CCDC171: variants seen among roughly 807,000 people sequenced by gnomAD.
CCDC171 encodes coiled-coil domain-containing protein 171.
In CCDC171, 177 loss-of-function variants were observed where a neutral mutation model predicts 168.2. The ratio of observed to expected loss-of-function variants is 1.05; its 90% CI spans 0.93 to 1.19. The LOEUF is 1.19. Ranked by LOEUF, CCDC171 falls within the 50% of genes most tolerant of loss-of-function variation. CCDC171 has a pLI of 0.00. For synonymous variants in CCDC171, 687 were observed against 540.8 expected, an observed-to-expected ratio of 1.27 and a Z score of -3.75; for missense variants, 1,991 against 1,539.0, an observed-to-expected ratio of 1.29 and a Z score of -4.91.
chr9:15,885,451 A>C (rs548546865), intron 24 of CCDC171: 10 of 152,210 alleles, frequency 6.6e-5, no homozygotes, highest in Non-Finnish European at 1.5e-4. Context: ...TATTATTGAG[A>C]GAACGAAGCC....
intron 24 of CCDC171, among the ~76,000 whole-genome samples, chr9:15,913,631 A>C (rs1034607357): frequency 6.6e-6 from 1 of 152,046 alleles, no homozygotes; most frequent in African/African-American, 2.4e-5. Flanking sequence ...CTACCTTCTG[A>C]AGCCCAATTC....
chr9:15,811,143 C>T (rs1032937271), intron 21 of CCDC171, among the ~76,000 whole-genome samples: 2 of 152,212 alleles, frequency 1.3e-5, no homozygotes, highest in Non-Finnish European at 2.9e-5. Flanking sequence ...GAGAAACTTA[C>T]CTGCAATATT....
chr9:15,587,491 C>G (rs962143590), intron 4 of CCDC171: 3 of 369,810 alleles, frequency 8.1e-6, no homozygotes, highest in African/African-American at 2.1e-5. Flanking sequence ...CCATGTGAAA[C>G]TGTAAGTCCA....
At chr9:16,091,572 C>T in the CCDC171 span, among the ~76,000 whole-genome samples, 4 of 152,260 alleles carry the variant, frequency 2.6e-5, no homozygotes, top group East Asian at 1.9e-4. Flanking sequence ...GCTCTCAGGT[C>T]GTGATCAGTC....
At chr9:16,017,679 C>T in intron 3 of CCDC171, among the ~76,000 whole-genome samples, 1 of 152,246 alleles carries the variant, frequency 6.6e-6, no homozygotes, top group South Asian at 2.1e-4. Context: ...ATCATTAAAG[C>T]ATTTTGTTAG....
At chr9:15,785,674 A>T (rs2057911468) in intron 21 of CCDC171, among the ~76,000 whole-genome samples, 1 of 152,036 alleles carries the variant, frequency 6.6e-6, no homozygotes. Context: ...CTGTTTTATA[A>T]ATGAGAAAAC....
Position 15,567,699 on chromosome 9 carries a change from G to A in CCDC171, c.41+3570G>A, listed in dbSNP as rs548204777. ...AGACAAGGTCTTGCTCTGTTGCCCA[G>A]GCTAGAGTACAGTGGCATGATCTTA... is the stretch of plus-strand genomic sequence containing the variant. On this transcript the variant is annotated intron_variant, in intron 2 of 25. Transcript: ENST00000380701. Among the ~76,000 whole-genome samples the A allele has an allele frequency of 4.6e-5, 7 of 151,820 alleles. No homozygotes were observed. The East Asian group carries it at 5.8e-4, about 13-fold the overall frequency.
At chr9:15,878,276 C>G (rs574236974) in intron 24 of CCDC171, among the ~76,000 whole-genome samples, 2 of 151,432 alleles carry the variant, frequency 1.3e-5, no homozygotes, top group Non-Finnish European at 3.0e-5. Context: ...CTTAAATTTA[C>G]GAGAAAAAAC....
intron 24 of CCDC171, among the ~76,000 whole-genome samples, chr9:15,899,254 G>A (rs1821319805): frequency 6.6e-6 from 1 of 152,114 alleles, no homozygotes; most frequent in Non-Finnish European, 1.5e-5. Context: ...AGGATATTTT[G>A]TTGTTTCTGG....
chr9:15,918,143 C>T (rs1563999070), intron 24 of CCDC171, among the ~76,000 whole-genome samples: 1 of 151,532 alleles, frequency 6.6e-6, no homozygotes, highest in Non-Finnish European at 1.5e-5. Context: ...TTAATCCCTC[C>T]AAGCTCCTGT....
At chr9:15,646,125 G>T (rs979125133) in intron 7 of CCDC171, among the ~76,000 whole-genome samples, 2 of 152,148 alleles carry the variant, frequency 1.3e-5, no homozygotes, top group African/African-American at 4.8e-5. Flanking sequence ...TTTCAACCCA[G>T]AATTTCTTAT....
At chr9:16,095,942 A>G in the CCDC171 span, among the ~76,000 whole-genome samples, 1 of 149,466 alleles carries the variant, frequency 6.7e-6, no homozygotes, top group Non-Finnish European at 1.5e-5. Context: ...GTATGTCTAT[A>G]TATAATATCT....
At chr9:15,763,930 C>A (rs1463125198) in intron 18 of CCDC171, among the ~76,000 whole-genome samples, 1 of 151,986 alleles carries the variant, frequency 6.6e-6, no homozygotes, top group East Asian at 1.9e-4. Context: ...AGTAGGTACT[C>A]AAAGGCTTGG....
intron 22 of CCDC171, among the ~76,000 whole-genome samples, chr9:15,848,633 C>T (rs2061001083): frequency 6.6e-6 from 1 of 151,352 alleles, no homozygotes; most frequent in African/African-American, 2.4e-5. Flanking sequence ...TCCCCCACCC[C>T]AATTTAGGAC....
At chr9:16,030,512 T>C (rs1429724428) in intron 6 of CCDC171, among the ~76,000 whole-genome samples, 1 of 152,178 alleles carries the variant, frequency 6.6e-6, no homozygotes, top group African/African-American at 2.4e-5. Context: ...AAAAAGAATG[T>C]GTTGATTTAA....
intron 3 of CCDC171, among the ~76,000 whole-genome samples, chr9:16,015,065 A>G (rs1453137484): frequency 4.6e-5 from 7 of 152,162 alleles, no homozygotes; most frequent in Middle Eastern, 3.2e-3. Context: ...ATGTATACAT[A>G]TGTAACTAAC....
intron 24 of CCDC171, among the ~76,000 whole-genome samples, chr9:15,899,525 C>T (rs1377022405): frequency 6.6e-6 from 1 of 152,128 alleles, no homozygotes; most frequent in East Asian, 1.9e-4. Flanking sequence ...TTCTGTTAGC[C>T]ATTCTGATAG....
At chr9:16,077,826 C>G in the CCDC171 span, among the ~76,000 whole-genome samples, 36 of 152,302 alleles carry the variant, frequency 2.4e-4, no homozygotes, top group East Asian at 6.8e-3. Flanking sequence ...GAGGCATACA[C>G]TTCTGTTTTT....
chr9:15,983,857 T>TGTGTGTGTGTGTGTGTG (rs1589295972), intron 3 of CCDC171, among the ~76,000 whole-genome samples: 6 of 149,938 alleles, frequency 4.0e-5, no homozygotes, highest in Admixed American at 6.7e-5. Flanking sequence ...TGTGTGTGTG[T>TGTGTGTGTGTGTGTGTG]TGGCATTTGG....
Sources: allele counts gnomAD v4.1 joint callset (sites outside exome capture counted in the v4.1 genomes callset), GRCh38; gene constraint gnomAD v4.1.1; transcripts MANE v1.5; gene names NCBI Gene and HGNC (gene_info 2026-07-23, HGNC 2026-07-21).